BCLAF3: variants seen among roughly 807,000 people sequenced by gnomAD.
BCLAF3 encodes transient octamer binding factor 1.
In BCLAF3, 24 loss-of-function variants were observed where a neutral mutation model predicts 51.2. The observed-to-expected ratio is 0.47, with a 90% CI of 0.34 to 0.66. BCLAF3 has a LOEUF of 0.66. Among genes scored for constraint, BCLAF3 ranks in the 30% least tolerant of loss-of-function variants. BCLAF3 has a pLI of 0.01. For synonymous variants in BCLAF3, 152 were observed against 176.6 expected (o/e 0.86, Z 1.10); for missense variants, 465 against 525.1 (o/e 0.89, Z 1.12).
In BCLAF3 at chrX:19,950,830, A is replaced by G; in HGVS notation, c.1668T>C (p.His556=). ...GTTCTTTTCGCCTTCTTTCAATGTC[A>G]TGTCGTAGGTCATTTGGATCTATTA... ...IKIIDPNDLR[H]DIERRRKERL... The change falls in exon 8 of 12, where the codon CAT becomes CAC. Residue 556 remains histidine (H), a synonymous_variant. Coordinates refer to ENST00000379682, the MANE Select transcript of BCLAF3 (RefSeq NM_001367774.2). The G allele has an allele frequency of 1.7e-6, 2 of 1,209,700 alleles. No individual in the cohort carries two copies. Among genetic ancestry groups the G allele is most frequent in the Non-Finnish European group, 2.2e-6 (2 of 893,864 alleles).
At chrX:19,950,122 T>A (rs916012339) in intron 8 of BCLAF3, among the ~76,000 whole-genome samples, 3 of 111,682 alleles carry the variant, frequency 2.7e-5, no homozygotes. Flanking sequence ...ATAAATTGAT[T>A]TTATCATCAT....
chrX:19,968,140 T>C (rs1206219815), intron 2 of BCLAF3, among the ~76,000 whole-genome samples: 1 of 112,809 alleles, frequency 8.9e-6, no homozygotes, highest in Non-Finnish European at 1.9e-5. Flanking sequence ...TGCTATTTTA[T>C]ATGTTTCATA....
In BCLAF3 at chrX:19,914,001, G is replaced by C. The variant is rs1405880478; in HGVS notation, c.*3304C>G. 1 of 110,979 alleles carries C rather than the reference G, an allele frequency of 9.0e-6. No homozygotes were observed. Among genetic ancestry groups the C allele is most frequent in the Non-Finnish European group, 1.9e-5 (1 of 53,008 alleles). The allele number at this position is 110,979 out of a possible 1,213,427, so 9.1% of individuals were successfully genotyped here. ...TCCTATTTGACGGAACTTTGTTGGG[G>C]AACCTGGTATCCCCTCTCTTCTAGG... On this transcript the variant is annotated 3_prime_UTR_variant, in exon 12 of 12. Coordinates refer to ENST00000379682, the MANE Select transcript of BCLAF3 (RefSeq NM_001367774.2).
chrX:19,934,200 T>C (rs1427023737), intron 10 of BCLAF3, among the ~76,000 whole-genome samples: 1 of 112,538 alleles, frequency 8.9e-6, no homozygotes, highest in Non-Finnish European at 1.9e-5. Flanking sequence ...GTAAAGTTAT[T>C]ACATATATCT....
intron 4 of BCLAF3, among the ~76,000 whole-genome samples, chrX:19,958,004 CA>C (rs1408774780): frequency 1.8e-5 from 2 of 111,392 alleles, no homozygotes; most frequent in Non-Finnish European, 3.8e-5. Context: ...GAAATACCCC[CA>C]AAGCAAGTAG....
chrX:19,946,475 C>G (rs1482945976), intron 8 of BCLAF3, among the ~76,000 whole-genome samples: 2 of 111,513 alleles, frequency 1.8e-5, no homozygotes, highest in Non-Finnish European at 3.8e-5. Flanking sequence ...TTTCCTACCT[C>G]TAATCTTTTT....
At chrX:19,937,173 C>T (rs1033204229) in intron 9 of BCLAF3, among the ~76,000 whole-genome samples, 1 of 111,153 alleles carries the variant, frequency 9.0e-6, no homozygotes, top group Admixed American at 9.6e-5. Context: ...CTGCACCTGG[C>T]CCCCCAAAAA....
At chrX:19,939,739 T>G (rs1484883682) in intron 8 of BCLAF3, among the ~76,000 whole-genome samples, 1 of 112,308 alleles carries the variant, frequency 8.9e-6, no homozygotes, top group African/African-American at 3.2e-5. Context: ...TAAAAGAGAA[T>G]GAATTTTTTA....
chrX:19,987,600 C>T (rs886333185), intron 1 of BCLAF3, among the ~76,000 whole-genome samples: 4 of 112,505 alleles, frequency 3.6e-5, no homozygotes, highest in African/African-American at 9.7e-5. Context: ...CCACTGTGCC[C>T]GGCACCCCCA....
chrX:19,954,299 A>C, intron 5 of BCLAF3: 1 of 484,470 alleles, frequency 2.1e-6, no homozygotes, highest in Non-Finnish European at 2.5e-6. Flanking sequence ...AAACAATTTC[A>C]AACAAATACT....
chrX:19,980,375 A>G (rs1170015626), intron 1 of BCLAF3, among the ~76,000 whole-genome samples: 1 of 112,246 alleles, frequency 8.9e-6, no homozygotes, highest in African/African-American at 3.2e-5. Context: ...ATAAAACTCA[A>G]TGAAAGTAAT....
intron 4 of BCLAF3, among the ~76,000 whole-genome samples, chrX:19,959,726 C>A (rs1466705830): frequency 9.0e-6 from 1 of 110,845 alleles, no homozygotes; most frequent in Non-Finnish European, 1.9e-5. Flanking sequence ...TGCAGTGAGC[C>A]GTGATCACAC....
At chrX:19,982,203 A>AAGGC (rs773392861) in intron 1 of BCLAF3, among the ~76,000 whole-genome samples, 80 of 111,485 alleles carry the variant, frequency 7.2e-4, no homozygotes, top group Non-Finnish European at 1.2e-3. Flanking sequence ...AACACTTTGG[A>AAGGC]AGGCAGAGGC....
At chrX:19,945,067 C>T (rs1246894131) in intron 8 of BCLAF3, among the ~76,000 whole-genome samples, 7 of 109,313 alleles carry the variant, frequency 6.4e-5, no homozygotes, top group Non-Finnish European at 9.5e-5. Flanking sequence ...TTGATCGCAT[C>T]GGCTCCTGAG....
intron 9 of BCLAF3, 101 bp from the exon 10 acceptor site, chrX:19,935,999 G>T (rs2070742565): frequency 1.5e-6 from 1 of 675,806 alleles, no homozygotes; most frequent in Admixed American, 2.6e-5. Flanking sequence ...ACAGGATTAA[G>T]AACACAAAGC....
At chrX:19,985,882 G>C (rs1173401694) in intron 1 of BCLAF3, among the ~76,000 whole-genome samples, 3 of 111,408 alleles carry the variant, frequency 2.7e-5, no homozygotes, top group Admixed American at 1.9e-4. Flanking sequence ...AGGAGGTAGA[G>C]GCTACAGTGA....
intron 4 of BCLAF3, among the ~76,000 whole-genome samples, chrX:19,963,599 T>A (rs950556441): frequency 2.2e-4 from 25 of 111,746 alleles, no homozygotes; most frequent in Admixed American, 1.4e-3. Flanking sequence ...TTCTGTAATA[T>A]AATCATAAAT....
At chrX:19,943,475 C>T (rs2071123950) in intron 8 of BCLAF3, among the ~76,000 whole-genome samples, 1 of 37,210 alleles carries the variant, frequency 2.7e-5, no homozygotes, top group Non-Finnish European at 3.8e-5. Context: ...TATGTGGTGT[C>T]TTTGTTCTCG....
At chrX:19,945,063 G>C (rs1487998832) in intron 8 of BCLAF3, among the ~76,000 whole-genome samples, 12 of 108,529 alleles carry the variant, frequency 1.1e-4, no homozygotes, top group African/African-American at 2.0e-4. Flanking sequence ...CCAGTTGATC[G>C]CATCGGCTCC....
Sources: gnomAD v4.1 joint callset for allele counts (sites outside exome capture counted in the v4.1 genomes callset) on GRCh38, gnomAD v4.1.1 for gene constraint, MANE v1.5 for transcripts, NCBI Gene and HGNC (gene_info 2026-07-23, HGNC 2026-07-21) for gene names.